PDE3A: variants seen among roughly 807,000 people sequenced by gnomAD.
PDE3A encodes phosphodiesterase 3A.
Under a neutral mutation model 98.3 loss-of-function variants are expected in PDE3A, and 43 were observed. The ratio of observed to expected loss-of-function variants is 0.44; its 90% CI spans 0.34 to 0.56. The LOEUF (loss-of-function observed/expected upper bound fraction) is 0.56, where lower values mean the gene tolerates loss of function less well. Among genes scored for constraint, PDE3A ranks in the 20% least tolerant of loss-of-function variants. PDE3A has a pLI of 0.01. For missense variants in PDE3A, 1,427 were observed against 1,440.7 expected, an observed-to-expected ratio of 0.99 and a Z score of 0.15; for synonymous variants, 663 against 567.9, an observed-to-expected ratio of 1.17 and a Z score of -2.38.
intron 1 of PDE3A, among the ~76,000 whole-genome samples, chr12:20,425,280 G>A (rs1944584974): frequency 6.6e-6 from 1 of 151,952 alleles, no homozygotes; most frequent in South Asian, 2.1e-4. Context: ...CCGGCAGATG[G>A]GTGCTAAAGA....
chr12:20,581,614 TTC>T (rs146550455), intron 2 of PDE3A, among the ~76,000 whole-genome samples: 67,874 of 104,856 alleles, frequency 0.65, 16,667 homozygotes, highest in East Asian at 0.71. Flanking sequence ...TTCTTTTCTT[TTC>T]TTTTTTTTTT....
At chr12:20,676,344 A>G (rs935155364) in intron 15 of PDE3A, among the ~76,000 whole-genome samples, 1 of 151,998 alleles carries the variant, frequency 6.6e-6, no homozygotes, top group Non-Finnish European at 1.5e-5. Context: ...TTGGCTGGGT[A>G]TATGGTTTTT....
rs748935903 is a variant in PDE3A, at chr12:20,369,407, G to A, written c.123G>A (p.Ser41=). 2 of 1,553,290 alleles carry A rather than the reference G, an allele frequency of 1.3e-6. No individual in the cohort carries two copies. The highest frequency in any genetic ancestry group is 1.9e-5 in the Admixed American group (1 of 51,984). ...HRADPASPRD[S]GCRGCWGDLV... ...CGGACCCCGCATCGCCGCGGGACTC[G>A]GGCTGCCGTGGCTGCTGGGGAGACC... is the stretch of plus-strand genomic sequence containing the variant. Residue 41 remains serine (S), a synonymous_variant, in exon 1 of 16, where the codon TCG becomes TCA. Coordinates refer to ENST00000359062, the MANE Select transcript of PDE3A (RefSeq NM_000921.5).
chr12:20,460,630 A>G (rs1311018544), intron 1 of PDE3A, among the ~76,000 whole-genome samples: 3 of 152,256 alleles, frequency 2.0e-5, no homozygotes, highest in Non-Finnish European at 4.4e-5. Flanking sequence ...GAACAAAGAC[A>G]AGACTACTTT....
Position 20,637,137 on chromosome 12 carries a change from A to G in PDE3A, c.2039A>G (p.Asp680Gly). 1.9e-6 allele frequency: 3 copies of G among 1,610,428 alleles called. No homozygotes were observed. Among genetic ancestry groups the G allele is most frequent in the Non-Finnish European group, 2.5e-6 (3 of 1,177,842 alleles). Reference sequence around the variant, plus strand: ...CTTGCTCCCGAACCTCTTGTCATGGATAACCTGGACTCAATTATGGAGCAG... The same window carrying G: ...CTTGCTCCCGAACCTCTTGTCATGGGTAACCTGGACTCAATTATGGAGCAG... ...PILAPEPLVMDNLDSIMEQLN... is the reference protein window; with the variant it reads ...PILAPEPLVMGNLDSIMEQLN... Residue 680 changes from aspartate to glycine, a missense_variant, in exon 9 of 16, where the codon GAT (aspartate) becomes GGT (glycine). This residue lies in a region of PDE3A where 1,012 missense variants were observed against 886.5 expected (regional missense o/e 1.14). Coordinates refer to ENST00000359062, the MANE Select transcript of PDE3A (RefSeq NM_000921.5).
chr12:20,483,041 T>C (rs1478753266), intron 1 of PDE3A, among the ~76,000 whole-genome samples: 1 of 152,158 alleles, frequency 6.6e-6, no homozygotes, highest in Non-Finnish European at 1.5e-5. Flanking sequence ...GACATCCTTT[T>C]TTCAGACAAC....
rs1284255550 is a variant in PDE3A, at chr12:20,442,814, C to G, written c.960+72570C>G. Among the ~76,000 whole-genome samples the G allele has an allele frequency of 3.9e-5, 6 of 152,250 alleles. No individual in the cohort carries two copies. In the East Asian group the frequency reaches 5.8e-4, roughly 15 times the overall value. ...CTGAATATTGAAGCATATGCTTAAA[C>G]TTAACACAATAAATGTAAGCATTTC... On this transcript the variant is annotated intron_variant, in intron 1 of 15. Transcript: ENST00000359062.
At chr12:20,525,584 T>C (rs6487105) in intron 1 of PDE3A, among the ~76,000 whole-genome samples, 31,761 of 151,968 alleles carry the variant, frequency 0.21, 4,100 homozygotes, top group East Asian at 0.58. Context: ...GACCCTTTAG[T>C]GTCAGTCACT....
At chr12:20,561,344 C>T (rs937133924) in intron 2 of PDE3A, among the ~76,000 whole-genome samples, 1 of 152,030 alleles carries the variant, frequency 6.6e-6, no homozygotes, top group Non-Finnish European at 1.5e-5. Context: ...AACCGATTGA[C>T]TTCAGTTTTC....
In PDE3A at chr12:20,635,063, C is replaced by G. The variant is rs761579427; in HGVS notation, c.2001+7C>G. 10 of 1,605,428 alleles carry G rather than the reference C, an allele frequency of 6.2e-6. No individual in the cohort carries two copies. In the African/African-American group the frequency reaches 1.3e-4, roughly 22 times the overall value. ...TGAGACCATGATGTTTCTGGTAGTC[C>G]CATATCACTTAACTCACTCATTTAC... On this transcript the variant is annotated splice_region_variant and intron_variant, in intron 8 of 15. Coordinates refer to ENST00000359062, the MANE Select transcript of PDE3A (RefSeq NM_000921.5).
At chr12:20,580,304 T>G (rs1943034261) in intron 2 of PDE3A, among the ~76,000 whole-genome samples, 1 of 152,136 alleles carries the variant, frequency 6.6e-6, no homozygotes, top group South Asian at 2.1e-4. Context: ...CCTCAAAACT[T>G]ACAACTTGTA....
At chr12:20,675,327 C>T (rs1366793490) in intron 15 of PDE3A, among the ~76,000 whole-genome samples, 1 of 152,102 alleles carries the variant, frequency 6.6e-6, no homozygotes, top group Admixed American at 6.6e-5. Context: ...TATTTTGTAT[C>T]CTAGCATCTG....
At chr12:20,448,553 G>T (rs1033713734) in intron 1 of PDE3A, among the ~76,000 whole-genome samples, 3 of 152,110 alleles carry the variant, frequency 2.0e-5, no homozygotes, top group African/African-American at 7.2e-5. Context: ...AAGTAACTTG[G>T]AGTTAAGACA....
At chr12:20,572,337 T>C (rs529977744) in intron 2 of PDE3A, among the ~76,000 whole-genome samples, 1 of 152,198 alleles carries the variant, frequency 6.6e-6, no homozygotes, top group South Asian at 2.1e-4. Flanking sequence ...TTTTAATGAG[T>C]TATAAAAATA....
intron 15 of PDE3A, among the ~76,000 whole-genome samples, chr12:20,668,979 A>G (rs928700509): frequency 6.7e-6 from 1 of 149,926 alleles, no homozygotes; most frequent in African/African-American, 2.5e-5. Flanking sequence ...TATAACTAGA[A>G]TAACCAATAC....
At chr12:20,640,991 G>T (rs4269970) in intron 10 of PDE3A, among the ~76,000 whole-genome samples, 59,235 of 151,660 alleles carry the variant, frequency 0.39, 12,060 homozygotes, top group East Asian at 0.69. Flanking sequence ...TAACTTTTTC[G>T]TAATTGTAAA....
chr12:20,672,963 T>C (rs1281594664), intron 15 of PDE3A, among the ~76,000 whole-genome samples: 3 of 150,562 alleles, frequency 2.0e-5, no homozygotes. Context: ...GACAAAGGGC[T>C]AATATCCAGA....
At chr12:20,371,328 C>G (rs1717876462) in intron 1 of PDE3A, 1 of 984,586 alleles carries the variant, frequency 1.0e-6, no homozygotes, top group Admixed American at 6.2e-5. Flanking sequence ...TTGTTCACCT[C>G]TCTATTTGAA....
At chr12:20,657,612 C>A (rs749913181) in intron 15 of PDE3A, among the ~76,000 whole-genome samples, 1 of 152,136 alleles carries the variant, frequency 6.6e-6, no homozygotes, top group Non-Finnish European at 1.5e-5. Context: ...AGAATTGGAG[C>A]AATGAAAGGC....
Sources: gnomAD v4.1 joint callset for allele counts (sites outside exome capture counted in the v4.1 genomes callset) on GRCh38, gnomAD v4.1.1 for gene constraint, gnomAD v4.1.1 regional missense constraint, MANE v1.5 for transcripts, NCBI Gene and HGNC (gene_info 2026-07-23, HGNC 2026-07-21) for gene names.